The following RTN4R variants were observed in gnomAD, a reference collection of about 807,000 sequenced individuals.
RTN4R encodes the protein reticulon 4 receptor.
A neutral mutation model predicts 27.7 loss-of-function variants in RTN4R; 4 were observed. That is an observed-to-expected ratio of 0.14 (90% CI 0.07 to 0.33). The LOEUF is 0.33. Ranked by LOEUF, RTN4R falls within the 10% of genes least tolerant of loss-of-function variation. RTN4R has a pLI of 1.00. For missense variants in RTN4R, 554 were observed against 671.5 expected (o/e 0.83, Z 1.93); for synonymous variants, 290 against 305.6 (o/e 0.95, Z 0.53).
Position 20,241,863 on chromosome 22 carries a change from G to C in RTN4R, c.1270C>G (p.Arg424Gly). ...RRRPGCSRKNRTRSHCRLGQA... is the reference protein window; with the variant it reads ...RRRPGCSRKNGTRSHCRLGQA... ...CCCAGACGGCAGTGGCTGCGGGTGC[G>C]GTTCTTGCGTGAACAGCCTGGCCTC... Residue 424 changes from arginine to glycine, a missense_variant, in exon 2 of 2, where the codon CGC becomes GGC. Arg to Gly is a moderately radical substitution (Grantham distance 125). This residue lies in a region of RTN4R where 141 missense variants were observed against 129.2 expected (regional missense o/e 1.09). Transcript: ENST00000043402. 2 of 1,609,498 alleles carry C rather than the reference G, an allele frequency of 1.2e-6. No individual in the cohort carries two copies. Among genetic ancestry groups the C allele is most frequent in the Non-Finnish European group, 1.7e-6 (2 of 1,178,830 alleles).
intron 1 of RTN4R, among the ~76,000 whole-genome samples, chr22:20,251,197 A>G (rs1472259109): frequency 6.6e-6 from 1 of 152,182 alleles, no homozygotes; most frequent in Non-Finnish European, 1.5e-5. Context: ...TGGGCTGGAC[A>G]GGGCCTGGAA....
chr22:20,266,530 G>C (rs1427646463), intron 1 of RTN4R, among the ~76,000 whole-genome samples: 44 of 152,242 alleles, frequency 2.9e-4, no homozygotes, highest in Admixed American at 2.9e-3. Flanking sequence ...AGTCAGCCAA[G>C]CTGCAGCGGC....
chr22:20,252,333 C>G (rs930656821), intron 1 of RTN4R, among the ~76,000 whole-genome samples: 1 of 152,186 alleles, frequency 6.6e-6, no homozygotes, highest in African/African-American at 2.4e-5. Context: ...AGGCCCTGGC[C>G]CAAGGATGGG....
Position 20,242,544 on chromosome 22 carries a change from C to T in RTN4R, c.589G>A (p.Ala197Thr), listed in dbSNP as rs147591609. The change falls in exon 2 of 2, where the codon GCC becomes ACC. Residue 197 changes from alanine to threonine, a missense_variant. Around this residue, in one of 2 missense-constraint regions of RTN4R, gnomAD observed 413 missense variants for 542.3 expected, o/e 0.76. Coordinates refer to ENST00000043402, the MANE Select transcript of RTN4R (RefSeq NM_023004.6). ...GNRISSVPER[A>T]FRGLHSLDRL... ...TCGAGGCTGTGCAGCCCACGGAAGG[C>T]GCGCTCGGGCACGCTGGAGATGCGG... 24 of 1,613,444 alleles carry T rather than the reference C, an allele frequency of 1.5e-5. No individual in the cohort carries two copies. The highest frequency in any genetic ancestry group is 9.3e-5 in the African/African-American group (7 of 74,936).
intron 1 of RTN4R, among the ~76,000 whole-genome samples, chr22:20,259,431 T>C (rs2051231745): frequency 6.6e-6 from 1 of 152,138 alleles, no homozygotes; most frequent in Admixed American, 6.5e-5. Flanking sequence ...AAAGACAGCC[T>C]GGAGGCAGCC....
Position 20,241,781 on chromosome 22 carries a change from G to C in RTN4R, c.1352C>G (p.Pro451Arg), listed in dbSNP as rs866905532. Residue 451 changes from proline (P) to arginine (R), a missense_variant, in exon 2 of 2, where the codon CCC (proline) becomes CGC (arginine). This residue lies in a region of RTN4R where 141 missense variants were observed against 129.2 expected (regional missense o/e 1.09). Coordinates refer to ENST00000043402, the MANE Select transcript of RTN4R (RefSeq NM_023004.6). ...GGGGGTGAGGCTGCAGGTGAGGCTG[G>C]GTAGGGCACCTGAGCCTTCTGAGTC... ...TGDSEGSGALPSLTCSLTPLG... is the reference protein window; with the variant it reads ...TGDSEGSGALRSLTCSLTPLG... 2.6e-6 allele frequency: 4 copies of C among 1,558,864 alleles called. No individual in the cohort carries two copies. In the Middle Eastern group the frequency reaches 6.7e-4, roughly 261 times the overall value.
chr22:20,255,253 C>A lies in RTN4R; in HGVS notation c.23-12143G>T, dbSNP rs766094701. On this transcript the variant is annotated intron_variant, in intron 1 of 1. Coordinates refer to ENST00000043402, the MANE Select transcript of RTN4R (RefSeq NM_023004.6). This position sits in a 1 kb window ranked among gnomAD's most constrained non-coding sequence, Gnocchi z 4.8. ...ACAACTGCATATGTGGCACTAAAAT[C>A]TCAGAAAACAGATAAATAAAAAGAA... Among the ~76,000 whole-genome samples the A allele has an allele frequency of 6.6e-6, 1 of 152,164 alleles. No individual in the cohort carries two copies. The highest frequency in any genetic ancestry group is 2.4e-5 in the African/African-American group (1 of 41,432).
chr22:20,252,599 C>T (rs2051190690), intron 1 of RTN4R, among the ~76,000 whole-genome samples: 1 of 152,114 alleles, frequency 6.6e-6, no homozygotes, highest in Admixed American at 6.5e-5. Context: ...CTGCCCACCC[C>T]CATCTTCATC....
chr22:20,256,286 C>T (rs1414846780), intron 1 of RTN4R, among the ~76,000 whole-genome samples: 4 of 152,200 alleles, frequency 2.6e-5, no homozygotes. Flanking sequence ...CTGGGCGTCA[C>T]CACAGGGTCA....
chr22:20,257,492 C>T (rs114196453), intron 1 of RTN4R, among the ~76,000 whole-genome samples: 249 of 152,290 alleles, frequency 1.6e-3, no homozygotes, highest in African/African-American at 5.4e-3. Flanking sequence ...TCCCCTACCA[C>T]GTGAGGGCAC....
chr22:20,250,716 G>C (rs867394001), intron 1 of RTN4R, among the ~76,000 whole-genome samples: 1 of 152,148 alleles, frequency 6.6e-6, no homozygotes, highest in Non-Finnish European at 1.5e-5. Context: ...AAACAGAAAT[G>C]ATCATTTTTC....
chr22:20,263,437 C>T (rs2051259087), intron 1 of RTN4R, among the ~76,000 whole-genome samples: 1 of 152,234 alleles, frequency 6.6e-6, no homozygotes, highest in South Asian at 2.1e-4. Flanking sequence ...CCAGCAGGTC[C>T]CACATTTGAC....
At position 20,255,318 on chromosome 22, in the gene RTN4R, T is replaced by C. The variant is rs1414140109; in HGVS notation, c.23-12208A>G. On this transcript the variant is annotated intron_variant, in intron 1 of 1. Transcript: ENST00000043402. This position sits in a 1 kb window ranked among gnomAD's most constrained non-coding sequence, Gnocchi z 4.8. ...ATCTTCCAGAAGGTGGAGACAAATG[T>C]AGGTTAGAAGCAGGTGTCTCCAAGG... Among the ~76,000 whole-genome samples the C allele has an allele frequency of 1.3e-5, 2 of 152,090 alleles. No homozygotes were observed. Among genetic ancestry groups the C allele is most frequent in the Non-Finnish European group, 2.9e-5 (2 of 67,992 alleles).
intron 1 of RTN4R, among the ~76,000 whole-genome samples, chr22:20,245,493 G>A (rs968800868): frequency 6.6e-6 from 1 of 152,090 alleles, no homozygotes; most frequent in Non-Finnish European, 1.5e-5. Flanking sequence ...GCAGCCAGGT[G>A]GGGGGAGGGT....
At chr22:20,245,606 C>T (rs1221730516) in intron 1 of RTN4R, among the ~76,000 whole-genome samples, 2 of 152,186 alleles carry the variant, frequency 1.3e-5, no homozygotes, top group East Asian at 3.9e-4. Context: ...ACCTCCCTGG[C>T]CCGTGGCCCC....
intron 1 of RTN4R, among the ~76,000 whole-genome samples, chr22:20,259,920 A>G (rs983732438): frequency 7.2e-5 from 11 of 152,206 alleles, no homozygotes; most frequent in Non-Finnish European, 1.6e-4. Flanking sequence ...GATGCCAGGA[A>G]GAATTTGCTA....
chr22:20,261,031 G>A (rs570173946), intron 1 of RTN4R, among the ~76,000 whole-genome samples: 13 of 152,176 alleles, frequency 8.5e-5, no homozygotes, highest in Non-Finnish European at 1.2e-4. Flanking sequence ...ATGAACTAAC[G>A]TGTCTCTCAG....
intron 1 of RTN4R, among the ~76,000 whole-genome samples, chr22:20,267,288 G>A (rs537587399): frequency 6.6e-6 from 1 of 152,362 alleles, no homozygotes; most frequent in South Asian, 2.1e-4. Flanking sequence ...GACATCAGCA[G>A]GGCAGCCTGG....
At chr22:20,243,225 G>T (rs984368518) in intron 1 of RTN4R, 115 bp from the exon 2 acceptor site, 5 of 1,045,364 alleles carry the variant, frequency 4.8e-6, no homozygotes, top group Non-Finnish European at 7.0e-6. Flanking sequence ...CCTGGGGCTG[G>T]GTCCAAGATG....
Sources: gnomAD v4.1 joint callset for allele counts (sites outside exome capture counted in the v4.1 genomes callset) on GRCh38, gnomAD v4.1.1 for gene constraint, gnomAD v4.1.1 regional missense constraint, Gnocchi (gnomAD v3.1) non-coding constraint, MANE v1.5 for transcripts, NCBI Gene and HGNC (gene_info 2026-07-23, HGNC 2026-07-21) for gene names.